Variants in MGAM2 observed in about 807,000 individuals in gnomAD.
MGAM2 encodes the protein maltase-glucoamylase 2 (putative), also known as probable maltase-glucoamylase 2.
In MGAM2, 98 loss-of-function variants were observed where a neutral mutation model predicts 96.1. That is an observed-to-expected ratio of 1.02 (90% CI 0.87 to 1.21). The LOEUF (loss-of-function observed/expected upper bound fraction) is 1.21, where lower values mean the gene tolerates loss of function less well. MGAM2 is among the 50% of genes most tolerant of loss of function. MGAM2 has a pLI of 0.00. For missense variants in MGAM2, 2,055 were observed against 1,182.4 expected (o/e 1.74, Z -10.82); for synonymous variants, 749 against 414.8 (o/e 1.81, Z -9.79).
At chr7:142,126,351 C>T (rs1794733856) in intron 3 of MGAM2, among the ~76,000 whole-genome samples, 1 of 151,852 alleles carries the variant, frequency 6.6e-6, no homozygotes, top group Admixed American at 6.6e-5. Context: ...TTTATTTGGA[C>T]TGTCCTTTTT....
At chr7:142,178,794 T>G (rs917563803) in intron 32 of MGAM2, among the ~76,000 whole-genome samples, 1 of 152,198 alleles carries the variant, frequency 6.6e-6, no homozygotes, top group Admixed American at 6.5e-5. Flanking sequence ...GTTTTTCTAA[T>G]TATGTGAAAA....
chr7:142,145,477 T>C (rs753194554), intron 14 of MGAM2, among the ~76,000 whole-genome samples: 6 of 152,094 alleles, frequency 3.9e-5, no homozygotes, highest in Non-Finnish European at 8.8e-5. Flanking sequence ...CAAGGTCCCA[T>C]TTATAGGTCC....
At chr7:142,147,078 T>C (rs1018613417) in intron 14 of MGAM2, among the ~76,000 whole-genome samples, 2 of 152,204 alleles carry the variant, frequency 1.3e-5, no homozygotes, top group Admixed American at 1.3e-4. Context: ...AAAGTTCCCT[T>C]TCTCTGCCTT....
At chr7:142,194,251 C>G (rs1796959187) in intron 37 of MGAM2, among the ~76,000 whole-genome samples, 1 of 152,272 alleles carries the variant, frequency 6.6e-6, no homozygotes, top group East Asian at 1.9e-4. Context: ...AGGCTAGTCT[C>G]GAACTGCTGA....
In MGAM2 at chr7:142,137,540, T is replaced by C. The variant is rs77600046; in HGVS notation, c.955T>C (p.Leu319=). The part of the protein sequence containing the change: ...NTPEQVVQEY[L]ELVGRPFFPP... ...TCCAGAACAAGTGGTTCAGGAATACTTGGAGGTATGTCTTTGCATTTAGAT... is the reference window on the plus strand; with the variant it reads ...TCCAGAACAAGTGGTTCAGGAATACCTGGAGGTATGTCTTTGCATTTAGAT... Residue 319 remains leucine, a synonymous_variant, in exon 9 of 48, where the codon TTG becomes CTG. Coordinates refer to ENST00000477922, the MANE Select transcript of MGAM2 (RefSeq NM_001293626.2). 23,154 of 697,852 alleles carry C rather than the reference T, an allele frequency of 0.033. 597 individuals are homozygous for C. The highest frequency in any genetic ancestry group is 0.046 in the Non-Finnish European group (17,641 of 382,376). The allele number at this position is 697,852 out of a possible 1,614,324, so 43.2% of individuals were successfully genotyped here.
intron 32 of MGAM2, among the ~76,000 whole-genome samples, chr7:142,178,406 A>G (rs1236515279): frequency 2.6e-5 from 4 of 152,056 alleles, no homozygotes; most frequent in Non-Finnish European, 5.9e-5. Flanking sequence ...ATTGCTTTTG[A>G]GGACTTTGCC....
At chr7:142,143,952 C>T in intron 13 of MGAM2, 70 bp downstream of exon 13, 1 of 687,224 alleles carries the variant, frequency 1.5e-6, no homozygotes, top group African/African-American at 1.8e-5. Context: ...TGAGTTTTGA[C>T]CTTGATGTCA....
chr7:142,195,345 CTTTTTTTTTTTTT>C lies in MGAM2; in HGVS notation c.4347-793_4347-781del, dbSNP rs1013124747. The stretch of plus-strand genomic sequence containing the variant: ...TTCTGTGCCTGGCCTCCTTTTTACT[CTTTTTTTTTTTTT>C]TTTTTTTTTTTTTTTGAGACAGAGT... On this transcript the variant is annotated intron_variant, in intron 37 of 47. Coordinates refer to ENST00000477922, the MANE Select transcript of MGAM2 (RefSeq NM_001293626.2). Among the ~76,000 whole-genome samples the C allele has an allele frequency of 3.9e-4, 27 of 70,040 alleles. 1 individual carries two copies. In the East Asian group the frequency reaches 5.6e-3, roughly 15 times the overall value. 45.9% of individuals were successfully genotyped at this position (70,040 alleles called of 152,430 possible).
intron 36 of MGAM2, among the ~76,000 whole-genome samples, chr7:142,188,367 G>A (rs1396463371): frequency 2.0e-5 from 3 of 152,016 alleles, no homozygotes; most frequent in African/African-American, 4.8e-5. Flanking sequence ...ACTGTACCAC[G>A]GCTGAGGTGG....
chr7:142,143,999 T>C, intron 13 of MGAM2, 117 bp downstream of exon 13: 1 of 589,944 alleles, frequency 1.7e-6, no homozygotes, highest in Non-Finnish European at 3.1e-6. Flanking sequence ...CTTTATGTAG[T>C]AGTATTCAAA....
chr7:142,145,225 C>T (rs987564941), intron 14 of MGAM2, among the ~76,000 whole-genome samples: 1 of 152,158 alleles, frequency 6.6e-6, no homozygotes, highest in Non-Finnish European at 1.5e-5. Context: ...CTGTTCATTT[C>T]CCCCAAATCC....
Position 142,166,198 on chromosome 7 carries a change from C to T in MGAM2, c.2753C>T (p.Pro918Leu), listed in dbSNP as rs1229440754. 2.8e-6 allele frequency: 2 copies of T among 702,560 alleles called. No homozygotes were observed. Among genetic ancestry groups the T allele is most frequent in the South Asian group, 3.0e-5 (2 of 67,490 alleles). 43.5% of individuals were successfully genotyped at this position (702,560 alleles called of 1,614,324 possible). The change falls in exon 25 of 48, where the codon CCT becomes CTT. Residue 918 changes from proline (P) to leucine (L), a missense_variant. By Grantham distance (98) the Pro-to-Leu change is moderately conservative. Transcript: ENST00000477922. ...GACCTGGAGAAGTTCAACTGCTACCCTGATGATCCAACAGCCTCTGAGGAG... is the reference window on the plus strand; with the variant it reads ...GACCTGGAGAAGTTCAACTGCTACCTTGATGATCCAACAGCCTCTGAGGAG... Reference protein sequence around the residue: ...VSDLEKFNCYPDDPTASEESC... With the variant: ...VSDLEKFNCYLDDPTASEESC...
At chr7:142,155,679 G>T (rs145656303) in intron 17 of MGAM2, among the ~76,000 whole-genome samples, 1 of 152,266 alleles carries the variant, frequency 6.6e-6, no homozygotes, top group Non-Finnish European at 1.5e-5. Context: ...TAAGCAGGTG[G>T]CTGGGAGCAG....
chr7:142,158,294 T>C lies in MGAM2; in HGVS notation c.2125T>C (p.Trp709Arg). 1 of 703,008 alleles carries C rather than the reference T, an allele frequency of 1.4e-6. No individual in the cohort carries two copies. The highest frequency in any genetic ancestry group is 2.6e-6 in the Non-Finnish European group (1 of 384,988). 43.5% of individuals were successfully genotyped at this position (703,008 alleles called of 1,614,324 possible). Reference sequence around the variant, plus strand: ...GTGGGATGTGCATGAGCAGTTCTTATGGGGACCTGGACTCCTCATCACGCC... The same window carrying C: ...GTGGGATGTGCATGAGCAGTTCTTACGGGGACCTGGACTCCTCATCACGCC... ...ATWDVHEQFL[W>R]GPGLLITPVL... Residue 709 changes from tryptophan (W) to arginine (R), a missense_variant, in exon 19 of 48, where the codon TGG becomes CGG. Coordinates refer to ENST00000477922, the MANE Select transcript of MGAM2 (RefSeq NM_001293626.2).
intron 37 of MGAM2, among the ~76,000 whole-genome samples, chr7:142,191,466 G>T (rs575973635): frequency 6.6e-6 from 1 of 152,096 alleles, no homozygotes; most frequent in Non-Finnish European, 1.5e-5. Flanking sequence ...TTATTTTTGT[G>T]TATGGTGTGA....
rs143817989 is a variant in MGAM2, at chr7:142,209,840, T to C, written c.5187+1218T>C. Among the ~76,000 whole-genome samples the C allele has an allele frequency of 5.7e-3, 870 of 152,296 alleles. 11 individuals are homozygous for C. Among genetic ancestry groups the C allele is most frequent in the African/African-American group, 0.02 (842 of 41,566 alleles). On this transcript the variant is annotated intron_variant, in intron 46 of 47. Transcript: ENST00000477922. ...CTAGCCACATGTGGCTATTGAACAC[T>C]TGAAATGTGACCAGCCTAATTTGAA...
chr7:142,151,624 A>G (rs191346277), intron 15 of MGAM2, among the ~76,000 whole-genome samples: 1 of 152,322 alleles, frequency 6.6e-6, no homozygotes, highest in Admixed American at 6.5e-5. Flanking sequence ...TCAGGGTAAG[A>G]AAGAGTAAGA....
intron 45 of MGAM2, among the ~76,000 whole-genome samples, chr7:142,205,708 T>C (rs1353977654): frequency 1.3e-5 from 2 of 152,138 alleles, no homozygotes; most frequent in African/African-American, 4.8e-5. Context: ...TAGCTAAAAG[T>C]CCCTTATCCG....
chr7:142,165,398 C>T (rs1260526487), intron 24 of MGAM2, among the ~76,000 whole-genome samples: 3 of 152,116 alleles, frequency 2.0e-5, no homozygotes, highest in Admixed American at 1.3e-4. Flanking sequence ...TTGTCCTTAC[C>T]GTTTTAGGCT....
Sources: gnomAD v4.1 joint callset for allele counts (sites outside exome capture counted in the v4.1 genomes callset) on GRCh38, gnomAD v4.1.1 for gene constraint, MANE v1.5 for transcripts, NCBI Gene and HGNC (gene_info 2026-07-23, HGNC 2026-07-21) for gene names.